Variants in CSTPP1 observed in about 807,000 individuals in gnomAD.
The protein encoded by CSTPP1 is UPF0705 protein C11orf49.
At chr11:47,162,707 C>G in the CSTPP1 span, among the ~76,000 whole-genome samples, 1 of 152,074 alleles carries the variant, frequency 6.6e-6, no homozygotes, top group African/African-American at 2.4e-5. Flanking sequence ...GGGCGGGGTC[C>G]CCCAGAAAGC....
chr11:47,123,599 G>T, the CSTPP1 span, among the ~76,000 whole-genome samples: 1 of 152,194 alleles, frequency 6.6e-6, no homozygotes, highest in Non-Finnish European at 1.5e-5. Flanking sequence ...TGGAGCTTCT[G>T]TTGGGGAGAC....
At chr11:47,106,580 T>C in the CSTPP1 span, among the ~76,000 whole-genome samples, 1 of 150,870 alleles carries the variant, frequency 6.6e-6, no homozygotes, top group Non-Finnish European at 1.5e-5. Flanking sequence ...GAGGGAGAGG[T>C]TGCAGTGAGC....
the CSTPP1 span, among the ~76,000 whole-genome samples, chr11:47,139,184 C>T: frequency 2.0e-5 from 3 of 152,056 alleles, no homozygotes; most frequent in African/African-American, 7.2e-5. Flanking sequence ...TAAAATGATC[C>T]TTTGTGGTTT....
the CSTPP1 span, among the ~76,000 whole-genome samples, chr11:46,944,817 C>G: frequency 6.6e-6 from 1 of 152,312 alleles, no homozygotes; most frequent in African/African-American, 2.4e-5. Context: ...CATTTTCTAT[C>G]ATGGGCGTTT....
the CSTPP1 span, among the ~76,000 whole-genome samples, chr11:47,037,394 T>TA: frequency 1.7e-3 from 81 of 46,750 alleles, 16 homozygotes; most frequent in Middle Eastern, 0.011. Context: ...TTATTATTAT[T>TA]TTTTTTTTTT....
At chr11:47,148,173 G>C in the CSTPP1 span, among the ~76,000 whole-genome samples, 1 of 152,134 alleles carries the variant, frequency 6.6e-6, no homozygotes, top group African/African-American at 2.4e-5. Flanking sequence ...CTCCCACCTG[G>C]AGAAGGTAAC....
the CSTPP1 span, among the ~76,000 whole-genome samples, chr11:47,097,172 C>T: frequency 3.1e-5 from 4 of 130,248 alleles, no homozygotes; most frequent in African/African-American, 1.0e-4. Context: ...CTCCGCCCGG[C>T]CAGCCGCCCC....
At chr11:47,161,717 C>T in the CSTPP1 span, 2 of 1,514,884 alleles carry the variant, frequency 1.3e-6, no homozygotes, top group Admixed American at 2.1e-5. Context: ...GCCTCCTCTC[C>T]AGCACCTTGC....
the CSTPP1 span, among the ~76,000 whole-genome samples, chr11:47,064,999 C>G: frequency 1.3e-5 from 2 of 152,198 alleles, no homozygotes; most frequent in Admixed American, 6.5e-5. Context: ...GCTTCGGCCT[C>G]CCAAAGTGCT....
At chr11:46,966,972 G>A in the CSTPP1 span, among the ~76,000 whole-genome samples, 38 of 152,246 alleles carry the variant, frequency 2.5e-4, no homozygotes, top group African/African-American at 8.7e-4. Flanking sequence ...TTCCCTTCCA[G>A]ATTTTTGCCT....
the CSTPP1 span, chr11:47,041,019 G>T: frequency 3.6e-4 from 54 of 151,650 alleles, 15 homozygotes; most frequent in Admixed American, 1.0e-3. Flanking sequence ...GCTGGCAGTG[G>T]TGCTGCTGGG....
At chr11:47,008,611 G>T in the CSTPP1 span, among the ~76,000 whole-genome samples, 1 of 152,102 alleles carries the variant, frequency 6.6e-6, no homozygotes, top group East Asian at 1.9e-4. Flanking sequence ...AAAGTGCTGG[G>T]ATTACAGGTG....
the CSTPP1 span, among the ~76,000 whole-genome samples, chr11:47,033,993 C>G: frequency 4.0e-5 from 6 of 151,832 alleles, no homozygotes; most frequent in Admixed American, 3.9e-4. Flanking sequence ...TGTGCTGCAC[C>G]CATTAATTCA....
the CSTPP1 span, among the ~76,000 whole-genome samples, chr11:47,128,978 A>G: frequency 2.2e-4 from 33 of 152,224 alleles, no homozygotes; most frequent in Admixed American, 2.2e-3. Context: ...TGAGTGAGGT[A>G]TATCACCATT....
At chr11:47,112,724 G>T in the CSTPP1 span, among the ~76,000 whole-genome samples, 14 of 152,158 alleles carry the variant, frequency 9.2e-5, no homozygotes, top group South Asian at 2.9e-3. Context: ...TGTATCCTAA[G>T]CACCTAAAAA....
At chr11:46,943,561 A>C in the CSTPP1 span, among the ~76,000 whole-genome samples, 1 of 152,220 alleles carries the variant, frequency 6.6e-6, no homozygotes, top group Admixed American at 6.5e-5. Flanking sequence ...TAAAATTTCC[A>C]ATTTCTTCTT....
chr11:47,077,937 A>G, the CSTPP1 span, among the ~76,000 whole-genome samples: 1 of 152,220 alleles, frequency 6.6e-6, no homozygotes, highest in Admixed American at 6.5e-5. Context: ...TAAGAAAAAC[A>G]AAAGGTTGTA....
At chr11:47,159,525 C>A in the CSTPP1 span, 6 of 405,706 alleles carry the variant, frequency 1.5e-5, no homozygotes, top group East Asian at 7.4e-5. Context: ...AAAAAAAAAA[C>A]AAAAACAGGC....
the CSTPP1 span, among the ~76,000 whole-genome samples, chr11:47,058,526 G>A: frequency 6.6e-6 from 1 of 152,056 alleles, no homozygotes; most frequent in Non-Finnish European, 1.5e-5. Flanking sequence ...ACATGAATAT[G>A]ATTAGGAGAT....
Sources: allele counts gnomAD v4.1 joint callset (sites outside exome capture counted in the v4.1 genomes callset), GRCh38; gene constraint gnomAD v4.1.1; transcripts MANE v1.5; gene names NCBI Gene and HGNC (gene_info 2026-07-23, HGNC 2026-07-21).